The following COL19A1 variants were observed in gnomAD, a reference collection of about 807,000 sequenced individuals.
COL19A1 encodes collagen type XIX alpha 1 chain.
In COL19A1, 159 loss-of-function variants were observed where a neutral mutation model predicts 190.2. The ratio of observed to expected loss-of-function variants is 0.84; its 90% confidence interval spans 0.73 to 0.95. The LOEUF (loss-of-function observed/expected upper bound fraction) is 0.95. Among genes scored for constraint, COL19A1 ranks in the 40% least tolerant of loss-of-function variants. COL19A1 has a pLI of 0.00. For synonymous variants in COL19A1, 509 were observed against 458.9 expected, an observed-to-expected ratio of 1.11 and a Z score of -1.39; for missense variants, 1,418 against 1,431.9, an observed-to-expected ratio of 0.99 and a Z score of 0.16.
intron 14 of COL19A1, 51 bp from the exon 15 acceptor site, chr6:70,068,372 G>A: frequency 1.8e-6 from 2 of 1,082,502 alleles, no homozygotes; most frequent in South Asian, 1.2e-5. Context: ...TTCTTTGTGA[G>A]GCAGGTGTAC....
chr6:70,075,204 G>GA (rs1210115158), intron 15 of COL19A1, among the ~76,000 whole-genome samples: 1 of 152,154 alleles, frequency 6.6e-6, no homozygotes, highest in Non-Finnish European at 1.5e-5. Context: ...GAATAACAGG[G>GA]AAATTGGGTA....
intron 42 of COL19A1, among the ~76,000 whole-genome samples, chr6:70,177,844 C>T (rs999811703): frequency 6.6e-6 from 1 of 152,072 alleles, no homozygotes; most frequent in Non-Finnish European, 1.5e-5. Context: ...TTGTGTTCAC[C>T]CAGGTGTGTC....
chr6:70,205,829 A>C (rs564179355), intron 49 of COL19A1, among the ~76,000 whole-genome samples: 249 of 152,326 alleles, frequency 1.6e-3, no homozygotes, highest in African/African-American at 5.4e-3. Context: ...TTGTTTTAAA[A>C]TATAGACAGA....
Position 69,927,960 on chromosome 6 carries a change from T to C in COL19A1, c.318T>C (p.Phe106=), listed in dbSNP as rs1294029054. The C allele has an allele frequency of 1.2e-6, 2 of 1,613,472 alleles. No homozygotes were observed. Among genetic ancestry groups the C allele is most frequent in the East Asian group, 2.2e-5 (1 of 44,860 alleles). Residue 106 remains phenylalanine, a synonymous_variant, in exon 5 of 51, where the codon TTT becomes TTC. Coordinates refer to ENST00000620364, the MANE Select transcript of COL19A1 (RefSeq NM_001858.6). ...AGGAGTACTCAGTAGCTGCCATGTT[T>C]CGAGTACGAAGAAACGCCAAAAAGG... ...LPEEYSVAAM[F]RVRRNAKKER...
chr6:70,036,672 T>TG (rs1329402268), intron 14 of COL19A1, among the ~76,000 whole-genome samples: 3 of 152,132 alleles, frequency 2.0e-5, no homozygotes, highest in Non-Finnish European at 4.4e-5. Flanking sequence ...TGTTTTGTTT[T>TG]TTTTAAAAAA....
At chr6:69,948,421 T>C (rs1562025621) in intron 9 of COL19A1, among the ~76,000 whole-genome samples, 1 of 151,828 alleles carries the variant, frequency 6.6e-6, no homozygotes, top group Non-Finnish European at 1.5e-5. Context: ...TGGATCCTTA[T>C]GTATGACAAC....
chr6:70,144,347 C>A, intron 24 of COL19A1, 84 bp downstream of exon 24: 2 of 1,206,102 alleles, frequency 1.7e-6, no homozygotes, highest in Admixed American at 1.9e-5. Flanking sequence ...AAAGGACAGC[C>A]CAGGGCTTCT....
At chr6:70,144,346 C>T in intron 24 of COL19A1, 83 bp downstream of exon 24, 1 of 1,206,470 alleles carries the variant, frequency 8.3e-7, no homozygotes, top group South Asian at 1.3e-5. Context: ...GAAAGGACAG[C>T]CCAGGGCTTC....
intron 17 of COL19A1, among the ~76,000 whole-genome samples, chr6:70,128,488 G>A (rs1055934459): frequency 5.3e-5 from 8 of 152,138 alleles, no homozygotes; most frequent in African/African-American, 1.4e-4. Context: ...CAAGAAGGTC[G>A]ATTACTGAAG....
intron 11 of COL19A1, among the ~76,000 whole-genome samples, chr6:69,974,388 C>T (rs959590090): frequency 1.3e-5 from 2 of 152,198 alleles, no homozygotes; most frequent in African/African-American, 4.8e-5. Flanking sequence ...CAGATGGCTT[C>T]AGCTGGCTGT....
chr6:69,992,354 T>C (rs972597395), intron 11 of COL19A1, among the ~76,000 whole-genome samples: 1 of 152,094 alleles, frequency 6.6e-6, no homozygotes, highest in Non-Finnish European at 1.5e-5. Flanking sequence ...CTAGGATTGC[T>C]TTGGCTACCA....
chr6:70,003,110 A>G (rs1388180014), intron 11 of COL19A1, among the ~76,000 whole-genome samples: 1 of 152,098 alleles, frequency 6.6e-6, no homozygotes, highest in African/African-American at 2.4e-5. Context: ...GTTTCAAAGA[A>G]CTTGATTTCT....
At chr6:70,033,362 G>C (rs1779173358) in intron 12 of COL19A1, among the ~76,000 whole-genome samples, 1 of 152,088 alleles carries the variant, frequency 6.6e-6, no homozygotes, top group Admixed American at 6.6e-5. Flanking sequence ...TAGACTTGCT[G>C]TGCATTGTGT....
intron 14 of COL19A1, among the ~76,000 whole-genome samples, chr6:70,049,479 G>C (rs1780080518): frequency 6.6e-6 from 1 of 151,870 alleles, no homozygotes; most frequent in Non-Finnish European, 1.5e-5. Flanking sequence ...TTTATGTTTT[G>C]GAAAAACTTA....
intron 49 of COL19A1, chr6:70,200,061 A>G (rs1034340718): frequency 1.5e-4 from 26 of 172,006 alleles, no homozygotes; most frequent in African/African-American, 5.7e-4. Flanking sequence ...TAGGAATCTT[A>G]GAATTTTTTA....
At chr6:70,197,533 C>A (rs1178091115) in intron 48 of COL19A1, among the ~76,000 whole-genome samples, 1 of 152,014 alleles carries the variant, frequency 6.6e-6, no homozygotes, top group Admixed American at 6.6e-5. Context: ...TGTAATGCCC[C>A]AAGTTCATAA....
chr6:69,901,429 A>G, intron 4 of COL19A1, among the ~76,000 whole-genome samples: 1 of 152,328 alleles, frequency 6.6e-6, no homozygotes, highest in African/African-American at 2.4e-5. Flanking sequence ...TGGCTCCTTA[A>G]AAGTAAACTG....
rs1308598981 is a variant in COL19A1 at position 70,209,870 on chromosome 6, T to G, written c.*2596T>G. ...GCAAGAAATGCTGGGTCCACCTAAT[T>G]TAACACAAAATGAAGTTGAGATTCG... is the stretch of plus-strand genomic sequence containing the variant. On this transcript the variant is annotated 3_prime_UTR_variant, in exon 51 of 51. Coordinates refer to ENST00000620364, the MANE Select transcript of COL19A1 (RefSeq NM_001858.6). 3 of 152,180 alleles carry G rather than the reference T, an allele frequency of 2.0e-5. No individual in the cohort carries two copies. Among genetic ancestry groups the G allele is most frequent in the Non-Finnish European group, 1.5e-5 (1 of 68,022 alleles). The allele number at this position is 152,180 out of a possible 1,614,324, so 9.4% of individuals were successfully genotyped here.
chr6:70,129,810 T>C (rs1785411799), intron 17 of COL19A1, among the ~76,000 whole-genome samples: 1 of 152,182 alleles, frequency 6.6e-6, no homozygotes, highest in African/African-American at 2.4e-5. Flanking sequence ...CTGAGAACAA[T>C]AAAGAAGACT....
Sources: gnomAD v4.1 joint callset for allele counts (sites outside exome capture counted in the v4.1 genomes callset) on GRCh38, gnomAD v4.1.1 for gene constraint, MANE v1.5 for transcripts, NCBI Gene and HGNC (gene_info 2026-07-23, HGNC 2026-07-21) for gene names.